HEMK2: variants seen among roughly 807,000 people sequenced by gnomAD.
HEMK2 encodes the protein methyltransferase HEMK2.
the HEMK2 span, among the ~76,000 whole-genome samples, chr21:28,709,456 T>C: frequency 1.3e-5 from 2 of 152,152 alleles, no homozygotes; most frequent in African/African-American, 4.8e-5. Context: ...CGGAATGCAC[T>C]TCTCTAGTAT....
chr21:28,747,952 T>C, the HEMK2 span, among the ~76,000 whole-genome samples: 2 of 152,232 alleles, frequency 1.3e-5, no homozygotes, highest in Non-Finnish European at 2.9e-5. Flanking sequence ...CTGTGTAATG[T>C]TGACATTCTC....
chr21:28,634,562 C>T, the HEMK2 span, among the ~76,000 whole-genome samples: 318 of 152,224 alleles, frequency 2.1e-3, 1 homozygote, highest in Non-Finnish European at 1.4e-3. Flanking sequence ...GCAGCATCCC[C>T]CTAGGTCAAC....
At chr21:28,712,959 T>C in the HEMK2 span, among the ~76,000 whole-genome samples, 1 of 152,192 alleles carries the variant, frequency 6.6e-6, no homozygotes, top group South Asian at 2.1e-4. Flanking sequence ...ATGATGCTCT[T>C]TCATGAATGA....
chr21:28,664,773 T>C, the HEMK2 span, among the ~76,000 whole-genome samples: 1 of 152,126 alleles, frequency 6.6e-6, no homozygotes, highest in Non-Finnish European at 1.5e-5. Context: ...GAAAGGAAAA[T>C]AAATTAGACC....
chr21:28,679,402 T>C, the HEMK2 span, among the ~76,000 whole-genome samples: 1 of 152,144 alleles, frequency 6.6e-6, no homozygotes, highest in Admixed American at 6.5e-5. Flanking sequence ...AGCAAGTCCT[T>C]AGAGGCCTAC....
At chr21:28,609,693 G>C in the HEMK2 span, among the ~76,000 whole-genome samples, 1 of 148,838 alleles carries the variant, frequency 6.7e-6, no homozygotes, top group African/African-American at 2.5e-5. Context: ...AAAATCTCCA[G>C]TGAAACAGAT....
chr21:28,754,774 T>A, the HEMK2 span, among the ~76,000 whole-genome samples: 1 of 152,348 alleles, frequency 6.6e-6, no homozygotes, highest in African/African-American at 2.4e-5. Flanking sequence ...AGGCACTTTG[T>A]TGGGCTTAAC....
At chr21:28,813,269 T>C in the HEMK2 span, among the ~76,000 whole-genome samples, 3 of 152,104 alleles carry the variant, frequency 2.0e-5, no homozygotes, top group Admixed American at 6.5e-5. Context: ...GGATACAAAA[T>C]CAATGTGCAA....
the HEMK2 span, among the ~76,000 whole-genome samples, chr21:28,740,701 G>C: frequency 6.6e-6 from 1 of 152,174 alleles, no homozygotes; most frequent in African/African-American, 2.4e-5. Flanking sequence ...AAGTTTACAA[G>C]ATTGAATTCC....
At chr21:28,654,673 C>T in the HEMK2 span, among the ~76,000 whole-genome samples, 1 of 152,044 alleles carries the variant, frequency 6.6e-6, no homozygotes. Flanking sequence ...AACCTGGCTA[C>T]AGGTTCAGAC....
the HEMK2 span, among the ~76,000 whole-genome samples, chr21:28,630,781 G>C: frequency 8.3e-6 from 1 of 120,618 alleles, no homozygotes; most frequent in African/African-American, 3.1e-5. Flanking sequence ...GACTGTCGTG[G>C]GGTGGGGGGA....
At chr21:28,781,894 C>T in the HEMK2 span, among the ~76,000 whole-genome samples, 535 of 152,334 alleles carry the variant, frequency 3.5e-3, 2 homozygotes, top group Non-Finnish European at 6.3e-3. Context: ...GGTAAACAGA[C>T]ACTGTTATCA....
the HEMK2 span, among the ~76,000 whole-genome samples, chr21:28,576,560 A>G: frequency 6.6e-6 from 1 of 152,122 alleles, no homozygotes; most frequent in Admixed American, 6.5e-5. Flanking sequence ...TCATAAATAG[A>G]ATTTTCATTT....
the HEMK2 span, among the ~76,000 whole-genome samples, chr21:28,581,246 TAGGCAGCA>T: frequency 6.0e-3 from 901 of 151,072 alleles, 19 homozygotes; most frequent in African/African-American, 0.02. Context: ...TTTAAACAGC[TAGGCAGCA>T]AGGAACAAAA....
At chr21:28,813,018 TTCTC>T in the HEMK2 span, among the ~76,000 whole-genome samples, 1 of 152,148 alleles carries the variant, frequency 6.6e-6, no homozygotes, top group East Asian at 1.9e-4. Flanking sequence ...TGTTTGATTC[TTCTC>T]TCTTTTTGAA....
chr21:28,661,456 G>C, the HEMK2 span, among the ~76,000 whole-genome samples: 1 of 152,000 alleles, frequency 6.6e-6, no homozygotes, highest in African/African-American at 2.4e-5. Flanking sequence ...ACTGTGATCA[G>C]AGAAACTATA....
the HEMK2 span, among the ~76,000 whole-genome samples, chr21:28,848,242 C>T: frequency 1.4e-4 from 22 of 152,238 alleles, no homozygotes; most frequent in South Asian, 4.3e-3. Context: ...ATTGATTCTT[C>T]CTATCCATGA....
chr21:28,576,919 C>G, the HEMK2 span, among the ~76,000 whole-genome samples: 1 of 152,188 alleles, frequency 6.6e-6, no homozygotes, highest in South Asian at 2.1e-4. Context: ...CCATGTTAGC[C>G]AGGCTGGTCT....
the HEMK2 span, among the ~76,000 whole-genome samples, chr21:28,739,350 C>A: frequency 2.2e-4 from 33 of 152,198 alleles, no homozygotes; most frequent in African/African-American, 7.9e-4. Flanking sequence ...TCAAACACAA[C>A]TAATTAAAGA....
Sources: allele counts gnomAD v4.1 joint callset (sites outside exome capture counted in the v4.1 genomes callset), GRCh38; gene constraint gnomAD v4.1.1; transcripts MANE v1.5; gene names NCBI Gene and HGNC (gene_info 2026-07-23, HGNC 2026-07-21).